HNRNPA1L2: variants seen among roughly 807,000 people sequenced by gnomAD.
The protein encoded by HNRNPA1L2 is heterogeneous nuclear ribonucleoprotein A1-like 2.
Under a neutral mutation model 18.2 loss-of-function variants are expected in HNRNPA1L2, and 10 were observed. The ratio of observed to expected loss-of-function variants is 0.55; its 90% CI spans 0.34 to 0.93. HNRNPA1L2 has a LOEUF of 0.93. Ranked by LOEUF, HNRNPA1L2 falls within the 40% of genes least tolerant of loss-of-function variation. The pLI is 0.02. For missense variants in HNRNPA1L2, 308 were observed against 394.4 expected, an observed-to-expected ratio of 0.78 and a Z score of 1.85; for synonymous variants, 124 against 138.6, an observed-to-expected ratio of 0.89 and a Z score of 0.74.
chr13:52,630,701 A>T, the HNRNPA1L2 span, among the ~76,000 whole-genome samples: 1 of 152,226 alleles, frequency 6.6e-6, no homozygotes, highest in Non-Finnish European at 1.5e-5. Flanking sequence ...AGTGATTTAT[A>T]CAGGAAAGTT....
chr13:52,628,459 TA>T, the HNRNPA1L2 span, among the ~76,000 whole-genome samples: 2 of 151,236 alleles, frequency 1.3e-5, no homozygotes, highest in East Asian at 3.9e-4. Flanking sequence ...AAATTATATT[TA>T]AAAAAAAAGA....
At chr13:52,618,031 T>G in the HNRNPA1L2 span, among the ~76,000 whole-genome samples, 2 of 152,246 alleles carry the variant, frequency 1.3e-5, no homozygotes, top group Non-Finnish European at 2.9e-5. Flanking sequence ...CTTCATTTAT[T>G]CTTTAGTTCA....
At chr13:52,630,903 A>T in the HNRNPA1L2 span, among the ~76,000 whole-genome samples, 1 of 152,360 alleles carries the variant, frequency 6.6e-6, no homozygotes. Flanking sequence ...TAACTGAATC[A>T]TTCAGCTTGC....
chr13:52,639,882 T>TTTTTTG (rs1341137199), upstream of HNRNPA1L2, among the ~76,000 whole-genome samples: 509 of 112,294 alleles, frequency 4.5e-3, 3 homozygotes, highest in South Asian at 0.015. Flanking sequence ...TCTTGTTTTT[T>TTTTTTG]TTTTTTTTTT....
At chr13:52,628,956 A>G in the HNRNPA1L2 span, among the ~76,000 whole-genome samples, 24 of 152,106 alleles carry the variant, frequency 1.6e-4, no homozygotes, top group Non-Finnish European at 2.5e-4. Flanking sequence ...GCTTACTGCA[A>G]CCTCCACCTC....
the HNRNPA1L2 span, among the ~76,000 whole-genome samples, chr13:52,636,853 A>G: frequency 6.6e-6 from 1 of 151,960 alleles, no homozygotes; most frequent in East Asian, 1.9e-4. Context: ...ATTTTTTGAG[A>G]CAGAATCTGG....
At chr13:52,639,760 C>A (rs927813093), upstream of HNRNPA1L2, among the ~76,000 whole-genome samples, 7 of 149,502 alleles carry the variant, frequency 4.7e-5, no homozygotes, top group African/African-American at 1.7e-4. Flanking sequence ...TATATGGAAA[C>A]CCTCATGCCT....
At chr13:52,638,627 T>C (rs1051533865), upstream of HNRNPA1L2, among the ~76,000 whole-genome samples, 10 of 152,202 alleles carry the variant, frequency 6.6e-5, no homozygotes, top group Admixed American at 5.9e-4. Flanking sequence ...ACCCTCTTAA[T>C]CCTAAAGGTG....
the HNRNPA1L2 span, chr13:52,622,335 C>A: frequency 6.6e-6 from 1 of 151,836 alleles, no homozygotes; most frequent in African/African-American, 2.4e-5. Context: ...TTTCTTTTTG[C>A]AAAAAATGTT....
chr13:52,622,713 A>G, the HNRNPA1L2 span, among the ~76,000 whole-genome samples: 2 of 152,216 alleles, frequency 1.3e-5, no homozygotes, highest in African/African-American at 4.8e-5. Flanking sequence ...ACTGCTCTGT[A>G]TGACTTCCTG....
chr13:52,618,580 C>T, the HNRNPA1L2 span, among the ~76,000 whole-genome samples: 1 of 152,186 alleles, frequency 6.6e-6, no homozygotes, highest in Non-Finnish European at 1.5e-5. Flanking sequence ...AAGATTTCAA[C>T]TGGCTGCTTT....
the HNRNPA1L2 span, among the ~76,000 whole-genome samples, chr13:52,631,365 A>G: frequency 1.3e-5 from 2 of 152,218 alleles, no homozygotes; most frequent in South Asian, 2.1e-4. Context: ...TCTCTGGTAC[A>G]TAGTAGGTGC....
At chr13:52,621,082 T>C in the HNRNPA1L2 span, among the ~76,000 whole-genome samples, 2 of 152,182 alleles carry the variant, frequency 1.3e-5, no homozygotes. Flanking sequence ...AACTAACACA[T>C]TCAAAGAGTT....
rs143228024 is a variant in HNRNPA1L2, at chr13:52,642,716, C to T, written c.224C>T (p.Thr75Met). The change falls in exon 1 of 1, where the codon ACG becomes ATG. Residue 75 changes from threonine to methionine, a missense_variant. Thr to Met is a moderately conservative substitution (Grantham distance 81). Coordinates refer to ENST00000357495, the MANE Select transcript of HNRNPA1L2 (RefSeq NM_001389320.1). ...VEEVDAAMNT[T>M]PHKVDGRVVE... ...GAGGTGGATGCAGCTATGAATACAACGCCACACAAGGTGGATGGAAGAGTT... is the reference window on the plus strand; with the variant it reads ...GAGGTGGATGCAGCTATGAATACAATGCCACACAAGGTGGATGGAAGAGTT... The T allele has an allele frequency of 3.5e-4, 560 of 1,604,274 alleles. 1 individual carries two copies. The highest frequency in any genetic ancestry group is 4.4e-4 in the Non-Finnish European group (518 of 1,179,788).
At chr13:52,638,359 A>G (rs1158051900), upstream of HNRNPA1L2, among the ~76,000 whole-genome samples, 1 of 152,148 alleles carries the variant, frequency 6.6e-6, no homozygotes, top group Non-Finnish European at 1.5e-5. Flanking sequence ...AATTTTTCTA[A>G]TTTTTACTAG....
At chr13:52,617,602 C>T in the HNRNPA1L2 span, 2 of 472,170 alleles carry the variant, frequency 4.2e-6, no homozygotes, top group Admixed American at 3.5e-5. Context: ...GCACCCTTTC[C>T]TGCCACCCTT....
chr13:52,622,530 T>C, the HNRNPA1L2 span, among the ~76,000 whole-genome samples: 1 of 152,212 alleles, frequency 6.6e-6, no homozygotes, highest in Admixed American at 6.5e-5. Context: ...TCTACACTCT[T>C]ACATACTTAT....
chr13:52,619,679 T>C, the HNRNPA1L2 span, among the ~76,000 whole-genome samples: 4 of 151,984 alleles, frequency 2.6e-5, no homozygotes, highest in Admixed American at 6.5e-5. Context: ...CCCAACACTT[T>C]GGGAGGCTGA....
chr13:52,633,762 C>T, the HNRNPA1L2 span, among the ~76,000 whole-genome samples: 5 of 152,124 alleles, frequency 3.3e-5, no homozygotes, highest in African/African-American at 1.2e-4. Flanking sequence ...CAATGAGTTA[C>T]AATTGTGCCA....
Sources: allele counts gnomAD v4.1 joint callset (sites outside exome capture counted in the v4.1 genomes callset), GRCh38; gene constraint gnomAD v4.1.1; transcripts MANE v1.5; gene names NCBI Gene and HGNC (gene_info 2026-07-23, HGNC 2026-07-21).